Variants in XKRX observed in about 807,000 individuals in gnomAD.
XKRX encodes the protein XK related X-linked, also known as XK-related protein 2.
Under a neutral mutation model 22.4 loss-of-function variants are expected in XKRX, and 11 were observed. The ratio of observed to expected loss-of-function variants is 0.49; its 90% CI spans 0.31 to 0.81. The LOEUF is 0.81. Among genes scored for constraint, XKRX ranks in the 40% least tolerant of loss-of-function variants. The pLI is 0.05. For missense variants in XKRX, 320 were observed against 336.5 expected (o/e 0.95, Z 0.38); for synonymous variants, 114 against 132.2 (o/e 0.86, Z 0.94).
At chrX:100,920,676 G>A (rs1394050597) in intron 2 of XKRX, among the ~76,000 whole-genome samples, 4 of 112,422 alleles carry the variant, frequency 3.6e-5, no homozygotes, top group East Asian at 2.8e-4. Flanking sequence ...ACTCCGCAGA[G>A]GTAGTTTCTT....
chrX:100,951,309 A>G, the XKRX span, among the ~76,000 whole-genome samples: 2 of 106,766 alleles, frequency 1.9e-5, no homozygotes. Context: ...ATTGGGTACT[A>G]CATTTGCCAC....
the XKRX span, among the ~76,000 whole-genome samples, chrX:100,953,115 T>C: frequency 2.7e-5 from 3 of 111,133 alleles, no homozygotes; most frequent in African/African-American, 9.8e-5. Context: ...TGAGATCCTG[T>C]CTCTACAAAA....
At chrX:100,917,626 G>A (rs774979286) in intron 2 of XKRX, among the ~76,000 whole-genome samples, 37 of 64,471 alleles carry the variant, frequency 5.7e-4, no homozygotes, top group African/African-American at 2.0e-3. Context: ...GAAAGAAAGA[G>A]AAAGAAAGAA....
the XKRX span, among the ~76,000 whole-genome samples, chrX:100,950,191 G>A: frequency 9.0e-6 from 1 of 111,594 alleles, no homozygotes; most frequent in Non-Finnish European, 1.9e-5. Context: ...AGACTAGGGG[G>A]CTGAAAAAGT....
rs749824541 is a variant in XKRX, at chrX:100,914,309, A to G, written c.*29T>C. The G allele has an allele frequency of 8.4e-7, 1 of 1,190,118 alleles. No homozygotes were observed. The highest frequency in any genetic ancestry group is 2.3e-5 in the Admixed American group (1 of 43,341). ...TCATGGTTACTCTTGGCAACTCCCA[A>G]CTCTTCCTAAAATACCCAGAAAATA... On this transcript the variant is annotated 3_prime_UTR_variant, in exon 3 of 3. Coordinates refer to ENST00000372956, the MANE Select transcript of XKRX (RefSeq NM_212559.3).
chrX:100,957,579 C>A, the XKRX span: 1 of 836,285 alleles, frequency 1.2e-6, no homozygotes, highest in Non-Finnish European at 1.7e-6. Context: ...CGCAAACCAG[C>A]ACTATTTATT....
the XKRX span, among the ~76,000 whole-genome samples, chrX:100,943,134 G>GTGTA: frequency 4.5e-5 from 5 of 111,565 alleles, no homozygotes; most frequent in Non-Finnish European, 7.5e-5. Context: ...ATGTGTGTGT[G>GTGTA]TGTATTTAGT....
chrX:100,893,498 A>G, the XKRX span, among the ~76,000 whole-genome samples: 1 of 112,098 alleles, frequency 8.9e-6, no homozygotes, highest in African/African-American at 3.2e-5. Flanking sequence ...TTGTATAAAA[A>G]AGACACCTGC....
At chrX:100,931,450 G>C (rs144099807), upstream of XKRX, among the ~76,000 whole-genome samples, 2 of 110,997 alleles carry the variant, frequency 1.8e-5, no homozygotes, top group East Asian at 5.7e-4. Flanking sequence ...CTGCCTTGTT[G>C]ATGCGATTTA....
the XKRX span, among the ~76,000 whole-genome samples, chrX:100,947,322 G>A: frequency 1.3e-4 from 14 of 111,851 alleles, no homozygotes; most frequent in Admixed American, 1.0e-3. Context: ...TACTTTAGCC[G>A]CCACTGATTT....
the XKRX span, among the ~76,000 whole-genome samples, chrX:100,937,287 G>C: frequency 9.0e-6 from 1 of 111,334 alleles, no homozygotes; most frequent in African/African-American, 3.3e-5. Flanking sequence ...CACCGCGCCC[G>C]GCCACCTAAA....
At chrX:100,954,111 A>G in the XKRX span, among the ~76,000 whole-genome samples, 1 of 110,706 alleles carries the variant, frequency 9.0e-6, no homozygotes, top group Non-Finnish European at 1.9e-5. Context: ...CTTCATGCCC[A>G]TTAGGATTGC....
chrX:100,920,107 T>A (rs2064352735), intron 2 of XKRX, among the ~76,000 whole-genome samples: 1 of 110,436 alleles, frequency 9.1e-6, no homozygotes, highest in South Asian at 3.9e-4. Flanking sequence ...GGAACTTAAC[T>A]AAAGCTGTCC....
chrX:100,929,586 G>C (rs1569456540), upstream of XKRX, among the ~76,000 whole-genome samples: 1 of 111,501 alleles, frequency 9.0e-6, no homozygotes, highest in Non-Finnish European at 1.9e-5. Flanking sequence ...TTGCCCTCCA[G>C]ATAATATCAT....
chrX:100,951,373 T>G, the XKRX span, among the ~76,000 whole-genome samples: 205 of 96,079 alleles, frequency 2.1e-3, no homozygotes, highest in African/African-American at 7.7e-3. Context: ...AATATACCCA[T>G]GTAACAAACC....
the XKRX span, among the ~76,000 whole-genome samples, chrX:100,949,189 C>G: frequency 1.8e-5 from 2 of 111,404 alleles, no homozygotes; most frequent in Non-Finnish European, 3.8e-5. Flanking sequence ...GAGTGGGGAA[C>G]TAAACTTTCA....
At chrX:100,954,074 G>A in the XKRX span, among the ~76,000 whole-genome samples, 1 of 110,540 alleles carries the variant, frequency 9.0e-6, no homozygotes, top group African/African-American at 3.3e-5. Context: ...TCAGAAACAC[G>A]CAAATCAAAA....
At chrX:100,915,328 A>G (rs2085428916) in intron 2 of XKRX, among the ~76,000 whole-genome samples, 1 of 111,161 alleles carries the variant, frequency 9.0e-6, no homozygotes, top group African/African-American at 3.3e-5. Flanking sequence ...TAATCATCAC[A>G]AAAATGCAAA....
chrX:100,927,942 G>T (rs1642354424), intron 1 of XKRX, 28 bp downstream of exon 1: 5 of 1,163,741 alleles, frequency 4.3e-6, no homozygotes, highest in African/African-American at 1.8e-5. Flanking sequence ...GGTTAGGGGG[G>T]TAAGGAAAAG....
Sources: allele counts gnomAD v4.1 joint callset (sites outside exome capture counted in the v4.1 genomes callset), GRCh38; gene constraint gnomAD v4.1.1; transcripts MANE v1.5; gene names NCBI Gene and HGNC (gene_info 2026-07-23, HGNC 2026-07-21).